Variants in ABCC1 observed in about 807,000 individuals in gnomAD.
ABCC1 encodes ATP binding cassette subfamily C member 1 (ABCC1 blood group), also known as multidrug resistance-associated protein 1.
ABCC1 carries 83 observed loss-of-function variants against 172.9 expected under a neutral mutation model. The ratio of observed to expected loss-of-function variants is 0.48; its 90% CI spans 0.40 to 0.58. The LOEUF is 0.58. ABCC1 is among the 20% of genes least tolerant of loss of function. ABCC1 has a pLI of 0.00. For missense variants in ABCC1, 1,817 were observed against 2,002.7 expected (o/e 0.91, Z 1.77); for synonymous variants, 937 against 825.2 (o/e 1.14, Z -2.32).
Position 16,071,685 on chromosome 16 carries a change from A to G in ABCC1, c.1868A>G (p.Glu623Gly). The change falls in exon 14 of 31, where the codon GAG becomes GGG. Residue 623 changes from glutamate (E) to glycine (G), a missense_variant. Physicochemically the swap from Glu to Gly is moderately conservative, Grantham distance 98 (BLOSUM62 -2). Coordinates refer to ENST00000399410, the MANE Select transcript of ABCC1 (RefSeq NM_004996.4). Reference protein sequence around the residue: ...LKRLRIFLSHEELEPDSIERR... With the variant: ...LKRLRIFLSHGELEPDSIERR... ...CGCCTGAGGATCTTTCTCTCCCATG[A>G]GGAGCTGGAACCTGACAGCATCGAG... 6.2e-7 allele frequency: 1 copy of G among 1,614,000 alleles called. No individual in the cohort carries two copies. The highest frequency in any genetic ancestry group is 8.5e-7 in the Non-Finnish European group (1 of 1,179,976).
intron 1 of ABCC1, among the ~76,000 whole-genome samples, chr16:15,994,622 T>G (rs1355237999): frequency 6.6e-6 from 1 of 152,142 alleles, no homozygotes; most frequent in Non-Finnish European, 1.5e-5. Context: ...GAACTAGCTT[T>G]CTTATTATTA....
intron 5 of ABCC1, 97 bp from the exon 6 acceptor site, chr16:16,033,012 G>A (rs1469430941): frequency 8.4e-7 from 1 of 1,191,370 alleles, no homozygotes; most frequent in Non-Finnish European, 1.2e-6. Context: ...CTGGAAGGAA[G>A]AGTGAGCAGC....
intron 17 of ABCC1, 116 bp downstream of exon 17, chr16:16,083,658 A>G: frequency 2.2e-6 from 3 of 1,379,260 alleles, no homozygotes; most frequent in Non-Finnish European, 3.0e-6. Flanking sequence ...GGCAGGGCTC[A>G]GCTGGGCGGC....
At chr16:16,105,267 A>C (rs2052028110) in intron 20 of ABCC1, 1 of 152,234 alleles carries the variant, frequency 6.6e-6, no homozygotes, top group Non-Finnish European at 1.5e-5. Flanking sequence ...TTTTCTGTCG[A>C]GGTGTGTGGA....
rs773761906 is a variant in ABCC1, at chr16:16,121,957, G to A, written c.3391-18G>A. On this transcript the variant is annotated intron_variant, in intron 23 of 30. Transcript: ENST00000399410. The stretch of plus-strand genomic sequence containing the variant: ...GAGGGAACCTTCATCAACTCCCCGC[G>A]TCTGTTCTCTACCCCAGAGGTTCTA... The A allele has an allele frequency of 1.9e-5, 30 of 1,613,944 alleles. No individual in the cohort carries two copies. The highest frequency in any genetic ancestry group is 1.6e-4 in the Middle Eastern group (1 of 6,080).
chr16:16,119,018 T>C (rs553214482), intron 23 of ABCC1, among the ~76,000 whole-genome samples: 205 of 152,182 alleles, frequency 1.3e-3, no homozygotes, highest in African/African-American at 4.7e-3. Context: ...GTGATATAAT[T>C]ATACAATTTA....
chr16:16,015,265 C>G (rs1809815), intron 4 of ABCC1, among the ~76,000 whole-genome samples: 98,626 of 151,818 alleles, frequency 0.65, 32,531 homozygotes, highest in Non-Finnish European at 0.7. Flanking sequence ...TCAGCCTCCC[C>G]AGTAGCTGGG....
chr16:16,008,377 T>G (rs2047634384), intron 2 of ABCC1, among the ~76,000 whole-genome samples: 1 of 151,806 alleles, frequency 6.6e-6, no homozygotes, highest in Non-Finnish European at 1.5e-5. Context: ...ATTTTTAATT[T>G]ATTTTTTGTA....
At chr16:15,990,959 G>A (rs912160388) in intron 1 of ABCC1, among the ~76,000 whole-genome samples, 8 of 151,832 alleles carry the variant, frequency 5.3e-5, no homozygotes, top group Non-Finnish European at 7.4e-5. Flanking sequence ...GACTGCGCCC[G>A]GCCAGGATTT....
chr16:15,980,844 T>G (rs1051549022), intron 1 of ABCC1, among the ~76,000 whole-genome samples: 14 of 152,116 alleles, frequency 9.2e-5, no homozygotes, highest in African/African-American at 3.1e-4. Flanking sequence ...TTCCAAAGTC[T>G]CATCTGAGAC....
At chr16:16,113,011 G>A (rs1260360891) in intron 22 of ABCC1, among the ~76,000 whole-genome samples, 1 of 152,186 alleles carries the variant, frequency 6.6e-6, no homozygotes, top group Non-Finnish European at 1.5e-5. Flanking sequence ...TAAAGAGGCC[G>A]AGATGGAAGC....
At chr16:16,078,330 C>A (rs2050667324) in intron 15 of ABCC1, among the ~76,000 whole-genome samples, 1 of 152,102 alleles carries the variant, frequency 6.6e-6, no homozygotes, top group African/African-American at 2.4e-5. Context: ...GTTGACCTGC[C>A]CCATTGACAG....
chr16:16,107,941 T>G (rs1040287605), intron 21 of ABCC1, among the ~76,000 whole-genome samples: 2 of 151,608 alleles, frequency 1.3e-5, no homozygotes, highest in African/African-American at 2.4e-5. Flanking sequence ...TGGGGCACTT[T>G]CTCTTAGATC....
At chr16:15,952,713 C>G (rs1460750281) in intron 1 of ABCC1, among the ~76,000 whole-genome samples, 3 of 51,630 alleles carry the variant, frequency 5.8e-5, no homozygotes, top group Non-Finnish European at 6.5e-5. Context: ...TTTGTGAGTT[C>G]ATTAAAAAAA....
chr16:16,123,615 G>GAA (rs753891611), intron 24 of ABCC1, among the ~76,000 whole-genome samples: 1 of 151,746 alleles, frequency 6.6e-6, no homozygotes, highest in Non-Finnish European at 1.5e-5. Context: ...CAACGAGAGC[G>GAA]AAACTCTATC....
intron 23 of ABCC1, among the ~76,000 whole-genome samples, chr16:16,120,816 C>G (rs953392161): frequency 1.6e-4 from 24 of 152,098 alleles, no homozygotes; most frequent in African/African-American, 5.8e-4. Context: ...AGGGGGGTGA[C>G]GAGATTGACC....
At chr16:16,089,849 C>G (rs919717729) in intron 18 of ABCC1, among the ~76,000 whole-genome samples, 5 of 149,868 alleles carry the variant, frequency 3.3e-5, no homozygotes, top group Admixed American at 2.7e-4. Context: ...CCACTGCACT[C>G]CAGCCTGGAC....
At chr16:16,139,738 G>A (rs1302408312) in intron 30 of ABCC1, among the ~76,000 whole-genome samples, 4 of 152,036 alleles carry the variant, frequency 2.6e-5, no homozygotes, top group East Asian at 3.8e-4. Context: ...CAGTGCCGGG[G>A]ACCACAAAAG....
intron 1 of ABCC1, among the ~76,000 whole-genome samples, chr16:15,991,593 A>C (rs1476410495): frequency 6.6e-6 from 1 of 151,870 alleles, no homozygotes; most frequent in Non-Finnish European, 1.5e-5. Context: ...TAGGTGGATC[A>C]GTGAATGTAG....
Sources: allele counts gnomAD v4.1 joint callset (sites outside exome capture counted in the v4.1 genomes callset), GRCh38; gene constraint gnomAD v4.1.1; transcripts MANE v1.5; gene names NCBI Gene and HGNC (gene_info 2026-07-23, HGNC 2026-07-21).